SCN10A: variants seen among roughly 807,000 people sequenced by gnomAD.
SCN10A encodes sodium channel protein type 10 subunit alpha.
Under a neutral mutation model 170.7 loss-of-function variants are expected in SCN10A, and 162 were observed. That is an observed-to-expected ratio of 0.95 (90% CI 0.84 to 1.08). SCN10A has a LOEUF of 1.08. Among genes scored for constraint, SCN10A ranks in the 50% least tolerant of loss-of-function variants. SCN10A has a pLI of 0.00. For synonymous variants in SCN10A, 985 were observed against 904.6 expected (o/e 1.09, Z -1.59); for missense variants, 2,527 against 2,436.9 (o/e 1.04, Z -0.78).
chr3:38,764,359 CT>C (rs2126035047), intron 5 of SCN10A, among the ~76,000 whole-genome samples: 1 of 152,186 alleles, frequency 6.6e-6, no homozygotes, highest in East Asian at 1.9e-4. Context: ...TCTCTTATCC[CT>C]TACCTTCGTC....
rs757826438 is a variant in SCN10A at position 38,712,268 on chromosome 3, T to C, written c.3982A>G (p.Asn1328Asp). The C allele has an allele frequency of 6.2e-6, 10 of 1,614,086 alleles. No homozygotes were observed. The highest frequency in any genetic ancestry group is 8.5e-6 in the Non-Finnish European group (10 of 1,180,024). Residue 1328 changes from asparagine to aspartate, a missense_variant, in exon 23 of 28, where the codon AAC becomes GAC. Transcript: ENST00000449082. ...TTTTGAATCTTGCAGTCAGACTTGT[T>C]ATTCACAATCGACAAAGGTACAAGG... ...FSLVPLSIVNNKSDCKIQNST... is the reference protein window; with the variant it reads ...FSLVPLSIVNDKSDCKIQNST...
In SCN10A at chr3:38,765,538, T is replaced by C. The variant is rs190308492; in HGVS notation, c.600-1942A>G. Among the ~76,000 whole-genome samples the C allele has an allele frequency of 1.2e-4, 19 of 152,352 alleles. No homozygotes were observed. The East Asian group carries it at 3.3e-3, about 26-fold the overall frequency. ...TTGCTTGTAAGTATTTGGCTTTATT[T>C]CTGAGTTCTCTATTCTTTTCCATTG... is the stretch of plus-strand genomic sequence containing the variant. On this transcript the variant is annotated intron_variant, in intron 5 of 27. Coordinates refer to ENST00000449082, the MANE Select transcript of SCN10A (RefSeq NM_006514.4).
At chr3:38,774,585 G>T (rs1311173416) in intron 4 of SCN10A, among the ~76,000 whole-genome samples, 2 of 152,150 alleles carry the variant, frequency 1.3e-5, no homozygotes, top group Admixed American at 6.5e-5. Flanking sequence ...TGAGCCACTT[G>T]CACCACTGAT....
At chr3:38,716,216 C>A in intron 21 of SCN10A, among the ~76,000 whole-genome samples, 1 of 151,628 alleles carries the variant, frequency 6.6e-6, no homozygotes, top group Middle Eastern at 3.4e-3. Context: ...ATATATATAT[C>A]TTATAACATC....
chr3:38,783,156 C>T (rs1444786879), intron 4 of SCN10A, among the ~76,000 whole-genome samples: 1 of 152,040 alleles, frequency 6.6e-6, no homozygotes, highest in Non-Finnish European at 1.5e-5. Context: ...CTTAGAGGCC[C>T]AATCTCCAAC....
In SCN10A at chr3:38,742,420, A is replaced by G. The variant is rs1346592471; in HGVS notation, c.1977T>C (p.Phe659=). 2 of 1,614,176 alleles carry G rather than the reference A, an allele frequency of 1.2e-6. No homozygotes were observed. Among genetic ancestry groups the G allele is most frequent in the Non-Finnish European group, 8.5e-7 (1 of 1,180,028 alleles). ...CTGCAAAGGGATCCGTCACAAGCCC[A>G]AAGAGAATTGTCTTGAGCTTCACCC... is the stretch of plus-strand genomic sequence containing the variant. ...PMWVKLKTIL[F]GLVTDPFAEL... The change falls in exon 14 of 28, where the codon TTT becomes TTC. Residue 659 remains phenylalanine, a synonymous_variant. Transcript: ENST00000449082.
intron 5 of SCN10A, among the ~76,000 whole-genome samples, chr3:38,771,038 T>C (rs1296098022): frequency 2.0e-5 from 3 of 152,224 alleles, no homozygotes; most frequent in East Asian, 3.9e-4. Flanking sequence ...CCTCACACTT[T>C]GGGAGCTCAC....
At chr3:38,743,389 G>A (rs945635015) in intron 13 of SCN10A, among the ~76,000 whole-genome samples, 3 of 152,124 alleles carry the variant, frequency 2.0e-5, no homozygotes, top group African/African-American at 7.2e-5. Flanking sequence ...CCATGAGCAG[G>A]TAAACATGCT....
chr3:38,778,363 G>A (rs1345450971), intron 4 of SCN10A, among the ~76,000 whole-genome samples: 1 of 151,924 alleles, frequency 6.6e-6, no homozygotes, highest in Non-Finnish European at 1.5e-5. Flanking sequence ...GAAAGTTCTA[G>A]TCTTGCCCTT....
At chr3:38,795,988 C>T (rs893930639) in intron 1 of SCN10A, among the ~76,000 whole-genome samples, 1 of 152,124 alleles carries the variant, frequency 6.6e-6, no homozygotes, top group Non-Finnish European at 1.5e-5. Flanking sequence ...CTCTTGGAAA[C>T]ATCTCATCAT....
At chr3:38,785,036 T>C (rs1171820185) in intron 4 of SCN10A, among the ~76,000 whole-genome samples, 1 of 152,110 alleles carries the variant, frequency 6.6e-6, no homozygotes, top group Non-Finnish European at 1.5e-5. Context: ...AAAATCAATA[T>C]TGTGAAAATG....
At chr3:38,778,950 A>C (rs1348102096) in intron 4 of SCN10A, among the ~76,000 whole-genome samples, 1 of 152,116 alleles carries the variant, frequency 6.6e-6, no homozygotes, top group African/African-American at 2.4e-5. Context: ...TTATGTCAAC[A>C]GTTCAGTTAA....
At chr3:38,735,169 C>CAAAAAAAAAA (rs543574832) in intron 15 of SCN10A, among the ~76,000 whole-genome samples, 7 of 76,108 alleles carry the variant, frequency 9.2e-5, no homozygotes, top group African/African-American at 1.1e-4. Context: ...GACTCTGTCT[C>CAAAAAAAAAA]AAAAAAAAAA....
chr3:38,780,075 T>C (rs2064121884), intron 4 of SCN10A, among the ~76,000 whole-genome samples: 1 of 151,970 alleles, frequency 6.6e-6, no homozygotes. Flanking sequence ...ATACATTTGA[T>C]CTGTTATTGG....
At chr3:38,701,795 C>G in intron 27 of SCN10A, 44 bp downstream of exon 27, 1 of 1,550,330 alleles carries the variant, frequency 6.5e-7, no homozygotes, top group Non-Finnish European at 8.7e-7. Context: ...CCAAAGACCC[C>G]CAAACAGAGG....
chr3:38,803,095 A>G (rs1191602408), intron 1 of SCN10A, among the ~76,000 whole-genome samples: 2 of 152,226 alleles, frequency 1.3e-5, no homozygotes, highest in Non-Finnish European at 2.9e-5. Flanking sequence ...CAAAACCACA[A>G]TGAGATATCA....
intron 21 of SCN10A, among the ~76,000 whole-genome samples, chr3:38,717,370 C>G (rs546540133): frequency 6.6e-6 from 1 of 152,156 alleles, no homozygotes; most frequent in South Asian, 2.1e-4. Context: ...AGTGCATGAC[C>G]GTTTAAGGTG....
At chr3:38,704,955 C>T (rs745472367) in intron 26 of SCN10A, among the ~76,000 whole-genome samples, 4 of 152,190 alleles carry the variant, frequency 2.6e-5, no homozygotes, top group Admixed American at 6.5e-5. Context: ...GTGGGAATTT[C>T]CTTTTGCCTT....
chr3:38,798,504 G>T (rs1441700309), intron 1 of SCN10A, among the ~76,000 whole-genome samples: 3 of 152,288 alleles, frequency 2.0e-5, no homozygotes, highest in Admixed American at 6.5e-5. Flanking sequence ...AGTGGGGAAA[G>T]CACATCCTTT....
Sources: allele counts gnomAD v4.1 joint callset (sites outside exome capture counted in the v4.1 genomes callset), GRCh38; gene constraint gnomAD v4.1.1; transcripts MANE v1.5; gene names NCBI Gene and HGNC (gene_info 2026-07-23, HGNC 2026-07-21).